PARD3B: variants seen among roughly 807,000 people sequenced by gnomAD.
PARD3B encodes partitioning defective 3 homolog B.
In PARD3B, 103 loss-of-function variants were observed where a neutral mutation model predicts 130.2. The ratio of observed to expected loss-of-function variants is 0.79; its 90% CI spans 0.67 to 0.93. The LOEUF (loss-of-function observed/expected upper bound fraction) is 0.93. PARD3B is among the 40% of genes least tolerant of loss of function. The pLI is 0.00. For synonymous variants in PARD3B, 583 were observed against 553.2 expected (o/e 1.05, Z -0.76); for missense variants, 1,609 against 1,499.2 (o/e 1.07, Z -1.21).
At chr2:205,535,803 C>T (rs1226275980) in intron 21 of PARD3B, among the ~76,000 whole-genome samples, 1 of 152,142 alleles carries the variant, frequency 6.6e-6, no homozygotes, top group Admixed American at 6.5e-5. Context: ...GTGAGAATCC[C>T]TGATTTCAAT....
chr2:205,057,884 A>C (rs1437306929), intron 4 of PARD3B, among the ~76,000 whole-genome samples: 3 of 151,264 alleles, frequency 2.0e-5, no homozygotes, highest in Non-Finnish European at 4.4e-5. Context: ...TTTTTAAAAA[A>C]AAGACTTTTT....
At chr2:205,148,475 A>G (rs1195867613) in intron 10 of PARD3B, among the ~76,000 whole-genome samples, 1 of 152,174 alleles carries the variant, frequency 6.6e-6, no homozygotes, top group Non-Finnish European at 1.5e-5. Context: ...CCAATTGGCC[A>G]AAAACCTTTC....
rs1358971152 is a variant in PARD3B at position 205,583,402 on chromosome 2, C to CGT, written c.3260+30000_3260+30001insTG. On this transcript the variant is annotated intron_variant, in intron 22 of 22. Coordinates refer to ENST00000406610, the MANE Select transcript of PARD3B (RefSeq NM_001302769.2). ...CTGTGTGTGTGTGTGTGTGTGTGTG[C>CGT]GCGCGCACGCGCGTGTGAGAGAGAG... Among the ~76,000 whole-genome samples, 40 of 71,992 alleles carry CGT rather than the reference C, an allele frequency of 5.6e-4. No homozygotes were observed. In the East Asian group the frequency reaches 9.8e-3, roughly 18 times the overall value. The allele number at this position is 71,992 out of a possible 152,430, so 47.2% of individuals were successfully genotyped here.
intron 2 of PARD3B, among the ~76,000 whole-genome samples, chr2:204,954,924 G>T (rs77950708): frequency 0.087 from 13,180 of 152,196 alleles, 834 homozygotes; most frequent in South Asian, 0.27. Flanking sequence ...CTCTGCAGAG[G>T]TTTATTATCT....
At chr2:204,795,641 C>G (rs1012038641) in intron 2 of PARD3B, among the ~76,000 whole-genome samples, 2 of 152,166 alleles carry the variant, frequency 1.3e-5, no homozygotes, top group African/African-American at 4.8e-5. Flanking sequence ...TCCAAACTTT[C>G]ATCAGGTTAG....
chr2:205,213,665 A>G lies in PARD3B; in HGVS notation c.2140+20345A>G, dbSNP rs111267962. Reference sequence around the variant, plus strand: ...AAATTAATGGTTTGTTTGAGTAGGAAAATAGAATGAGGATAAAGGTAGCCC... The same window carrying G: ...AAATTAATGGTTTGTTTGAGTAGGAGAATAGAATGAGGATAAAGGTAGCCC... On this transcript the variant is annotated intron_variant, in intron 15 of 22. Coordinates refer to ENST00000406610, the MANE Select transcript of PARD3B (RefSeq NM_001302769.2). 7.7e-3 allele frequency among the ~76,000 whole-genome samples: 1,170 copies of G among 152,292 alleles called. 16 individuals are homozygous for G. Among genetic ancestry groups the G allele is most frequent in the Middle Eastern group, 0.014 (4 of 294 alleles).
intron 21 of PARD3B, among the ~76,000 whole-genome samples, chr2:205,511,595 C>T (rs1183744743): frequency 1.3e-5 from 2 of 152,066 alleles, no homozygotes; most frequent in African/African-American, 4.8e-5. Flanking sequence ...TAGCAGAAAC[C>T]CCTATGAATT....
At chr2:204,583,277 A>G (rs552914493) in intron 1 of PARD3B, among the ~76,000 whole-genome samples, 230 of 97,560 alleles carry the variant, frequency 2.4e-3, no homozygotes, top group African/African-American at 8.7e-3. Flanking sequence ...CATATACACC[A>G]TGGAATACTA....
intron 16 of PARD3B, among the ~76,000 whole-genome samples, chr2:205,262,982 G>A (rs911505355): frequency 6.6e-6 from 1 of 152,046 alleles, no homozygotes; most frequent in African/African-American, 2.4e-5. Flanking sequence ...TGAAAATTCT[G>A]GATCTAGGCA....
intron 16 of PARD3B, among the ~76,000 whole-genome samples, chr2:205,284,152 A>G (rs1019690701): frequency 4.6e-5 from 7 of 152,238 alleles, no homozygotes; most frequent in Non-Finnish European, 7.3e-5. Flanking sequence ...ACAAAGGGGA[A>G]AAAAATTATT....
In PARD3B at chr2:205,048,843, AC is replaced by A. The variant is rs1255035472; in HGVS notation, c.504+1155del. Among the ~76,000 whole-genome samples, 6 of 152,264 alleles carry A rather than the reference AC, an allele frequency of 3.9e-5. No individual in the cohort carries two copies. In the East Asian group the frequency reaches 1.2e-3, roughly 29 times the overall value. Reference sequence around the variant, plus strand: ...TTTTAGATGTAATGTTTTTCCACTAACCTATTTAAAACTCTATCCTTCTAAG... The same window carrying A: ...TTTTAGATGTAATGTTTTTCCACTAACTATTTAAAACTCTATCCTTCTAAG... On this transcript the variant is annotated intron_variant, in intron 4 of 22. Transcript: ENST00000406610.
chr2:205,450,836 A>G (rs542721251), intron 20 of PARD3B, among the ~76,000 whole-genome samples: 8 of 152,328 alleles, frequency 5.3e-5, no homozygotes, highest in Admixed American at 3.3e-4. Flanking sequence ...AGCATTCATT[A>G]CACACTGAGC....
chr2:204,565,480 G>A (rs2031618036), intron 1 of PARD3B, among the ~76,000 whole-genome samples: 2 of 152,130 alleles, frequency 1.3e-5, no homozygotes, highest in Admixed American at 1.3e-4. Context: ...TTAGTTCACT[G>A]AGTTGTATCA....
Position 204,703,674 on chromosome 2 carries a change from C to A in PARD3B, c.222+17392C>A, listed in dbSNP as rs190147251. ...CGTTAGCTTAATCATTAAAAAATAA[C>A]CAATTCATAAGCATGGCATTTCATT... On this transcript the variant is annotated intron_variant, in intron 2 of 22. Coordinates refer to ENST00000406610, the MANE Select transcript of PARD3B (RefSeq NM_001302769.2). Among the ~76,000 whole-genome samples, 534 of 152,192 alleles carry A rather than the reference C, an allele frequency of 3.5e-3. 3 individuals carry two copies. The highest frequency in any genetic ancestry group is 0.012 in the African/African-American group (518 of 41,536).
At chr2:205,329,831 A>T (rs1048843727) in intron 18 of PARD3B, among the ~76,000 whole-genome samples, 1 of 151,676 alleles carries the variant, frequency 6.6e-6, no homozygotes, top group Non-Finnish European at 1.5e-5. Context: ...TCTCTACTAA[A>T]AATAACACAA....
intron 3 of PARD3B, among the ~76,000 whole-genome samples, chr2:204,973,927 AT>A (rs1309758401): frequency 6.6e-6 from 1 of 152,094 alleles, no homozygotes; most frequent in Non-Finnish European, 1.5e-5. Flanking sequence ...TTTTTGTTAA[AT>A]GTTTACCAGA....
At chr2:205,168,320 A>AGAGAGT (rs371904121) in intron 11 of PARD3B, among the ~76,000 whole-genome samples, 1,899 of 119,722 alleles carry the variant, frequency 0.016, 50 homozygotes, top group African/African-American at 0.056. Flanking sequence ...AGAGAGAGAG[A>AGAGAGT]GTGTGTGTGT....
In PARD3B at chr2:204,890,123, G is replaced by A. The variant is rs550325907; in HGVS notation, c.223-75029G>A. Among the ~76,000 whole-genome samples the A allele has an allele frequency of 5.3e-5, 8 of 152,228 alleles. No individual in the cohort carries two copies. Among genetic ancestry groups the A allele is most frequent in the African/African-American group, 1.7e-4 (7 of 41,542 alleles). On this transcript the variant is annotated intron_variant, in intron 2 of 22. Transcript: ENST00000406610. This position sits in a 1 kb window ranked among gnomAD's most constrained non-coding sequence, Gnocchi z 4.9. Reference sequence around the variant, plus strand: ...TTACCATGTCTGCTTTGCCTTCTCCGCCTTCTCCGCATGCCAGCAGGAGCA... The same window carrying A: ...TTACCATGTCTGCTTTGCCTTCTCCACCTTCTCCGCATGCCAGCAGGAGCA...
intron 3 of PARD3B, among the ~76,000 whole-genome samples, chr2:205,030,534 T>TA (rs1450895646): frequency 6.6e-6 from 1 of 152,130 alleles, no homozygotes; most frequent in Non-Finnish European, 1.5e-5. Context: ...GAACTTAACG[T>TA]TTCTTCTGCC....
Sources: allele counts gnomAD v4.1 joint callset (sites outside exome capture counted in the v4.1 genomes callset), GRCh38; gene constraint gnomAD v4.1.1; non-coding constraint Gnocchi (gnomAD v3.1); transcripts MANE v1.5; gene names NCBI Gene and HGNC (gene_info 2026-07-23, HGNC 2026-07-21).